The following CBX5 variants were observed in gnomAD, a reference collection of about 807,000 sequenced individuals.
CBX5 encodes the protein chromobox protein homolog 5.
Under a neutral mutation model 20.7 loss-of-function variants are expected in CBX5, and 7 were observed. That is an observed-to-expected ratio of 0.34 (90% CI 0.19 to 0.63). The LOEUF is 0.63. Ranked by LOEUF, CBX5 falls within the 30% of genes least tolerant of loss-of-function variation. CBX5 has a pLI of 0.75. For synonymous variants in CBX5, 78 were observed against 77.0 expected (o/e 1.01, Z -0.07); for missense variants, 110 against 224.1 (o/e 0.49, Z 3.25).
intron 1 of CBX5, among the ~76,000 whole-genome samples, chr12:54,270,057 CAATTT>C (rs534237289): frequency 7.0e-4 from 106 of 152,166 alleles, no homozygotes; most frequent in South Asian, 1.9e-3. Context: ...CCTGATTTAT[CAATTT>C]TATTGATCTT....
chr12:54,278,821 G>C (rs1341286783), intron 1 of CBX5: 1 of 152,126 alleles, frequency 6.6e-6, no homozygotes, highest in African/African-American at 2.4e-5. Flanking sequence ...TCCAAAGTCA[G>C]ATATCCTCAA....
chr12:54,279,548 G>A (rs1944108838), intron 1 of CBX5, among the ~76,000 whole-genome samples: 1 of 152,096 alleles, frequency 6.6e-6, no homozygotes, highest in Non-Finnish European at 1.5e-5. Context: ...CCGATTGGAC[G>A]ACTGGTCCCA....
intron 1 of CBX5, among the ~76,000 whole-genome samples, chr12:54,264,842 T>C (rs1943943270): frequency 6.7e-6 from 1 of 149,700 alleles, no homozygotes; most frequent in Admixed American, 6.7e-5. Flanking sequence ...AAACTCCATC[T>C]CAAAGAAAAA....
In CBX5 at chr12:54,241,599, C is replaced by G; in HGVS notation, c.*156G>C. The G allele has an allele frequency of 1.5e-6, 1 of 657,442 alleles. No individual in the cohort carries two copies. 40.7% of individuals were successfully genotyped at this position (657,442 alleles called of 1,614,324 possible). A position where few individuals can be genotyped will look rare whatever the true frequency, so the allele number is the denominator to read the frequency against. The stretch of plus-strand genomic sequence containing the variant: ...ATTAATCAGACCATCAGTTATGTTA[C>G]AAGAGAACCAATACCAACATTTCTC... On this transcript the variant is annotated 3_prime_UTR_variant, in exon 5 of 5. Coordinates refer to ENST00000209875, the MANE Select transcript of CBX5 (RefSeq NM_012117.3).
intron 2 of CBX5, among the ~76,000 whole-genome samples, chr12:54,256,589 C>T (rs953689951): frequency 6.6e-6 from 1 of 151,942 alleles, no homozygotes; most frequent in African/African-American, 2.4e-5. Flanking sequence ...GCCACATGTG[C>T]CTATTTGAAA....
rs145536078 is a variant in CBX5 at position 54,274,927 on chromosome 12, G to A, written c.-43+5081C>T. On this transcript the variant is annotated intron_variant, in intron 1 of 4. Transcript: ENST00000209875. ...TGCACTCTAGCCTGGGTGACAGAGC[G>A]CGACTCTGTCTCAAAAACAAACAAA... Among the ~76,000 whole-genome samples, 1,325 of 152,182 alleles carry A rather than the reference G, an allele frequency of 8.7e-3. 18 individuals are homozygous for A. Among genetic ancestry groups the A allele is most frequent in the African/African-American group, 0.03 (1,248 of 41,514 alleles).
intron 4 of CBX5, 47 bp downstream of exon 4, chr12:54,246,068 C>A: frequency 7.8e-7 from 1 of 1,281,678 alleles, no homozygotes. Context: ...AAATTCAAGT[C>A]ACTGGCAAAG....
intron 2 of CBX5, among the ~76,000 whole-genome samples, chr12:54,254,439 T>C (rs1256668894): frequency 6.6e-6 from 1 of 152,004 alleles, no homozygotes; most frequent in African/African-American, 2.4e-5. Context: ...ATCTGAGCTA[T>C]TTACTCTTGA....
At chr12:54,262,942 G>A (rs1943925064) in intron 1 of CBX5, 1 of 152,260 alleles carries the variant, frequency 6.6e-6, no homozygotes, top group Non-Finnish European at 1.5e-5. Context: ...GAAAGGGTGA[G>A]TAGCTTCTCA....
intron 1 of CBX5, among the ~76,000 whole-genome samples, chr12:54,270,546 T>C (rs1341634746): frequency 6.6e-6 from 1 of 152,228 alleles, no homozygotes; most frequent in East Asian, 1.9e-4. Flanking sequence ...GCGTTGAGTT[T>C]ACAGGAATCA....
intron 3 of CBX5, among the ~76,000 whole-genome samples, chr12:54,249,001 C>T (rs1415248819): frequency 6.6e-6 from 1 of 152,170 alleles, no homozygotes. Context: ...TCGGCAGCTT[C>T]AGAACCTGGC....
In CBX5 at chr12:54,245,063, G is replaced by C. The variant is rs941951392; in HGVS notation, c.425+1052C>G. Among the ~76,000 whole-genome samples, 3 of 151,732 alleles carry C rather than the reference G, an allele frequency of 2.0e-5. No homozygotes were observed. The East Asian group carries it at 5.8e-4, about 29-fold the overall frequency. On this transcript the variant is annotated intron_variant, in intron 4 of 4. Coordinates refer to ENST00000209875, the MANE Select transcript of CBX5 (RefSeq NM_012117.3). ...GTCTTGCTCTGTCGTTCAGGCAGGA[G>C]TGCAGAGGCTCGATCTCAGCTCATT...
Position 54,252,123 on chromosome 12 carries a change from G to T in CBX5, c.242C>A (p.Pro81His). The T allele has an allele frequency of 1.2e-6, 2 of 1,611,038 alleles. No homozygotes were observed. Among genetic ancestry groups the T allele is most frequent in the African/African-American group, 1.3e-5 (1 of 74,726 alleles). Residue 81 changes from proline (P) to histidine (H), a missense_variant, in exon 3 of 5, where the codon CCC (proline) becomes CAC (histidine). By Grantham distance (77) the Pro-to-His change is moderately conservative (BLOSUM62 -2). Coordinates refer to ENST00000209875, the MANE Select transcript of CBX5 (RefSeq NM_012117.3). Reference sequence around the variant, plus strand: ...CTTGTTACTTTCTGACTTCTCCCTGGGTTTATTATTTTCACCCTCCTTCAT... The same window carrying T: ...CTTGTTACTTTCTGACTTCTCCCTGTGTTTATTATTTTCACCCTCCTTCAT... ...KKMKEGENNK[P>H]REKSESNKRK... is the part of the protein sequence containing the mutation.
At chr12:54,251,017 G>C (rs1424502619) in intron 3 of CBX5, among the ~76,000 whole-genome samples, 1 of 151,290 alleles carries the variant, frequency 6.6e-6, no homozygotes, top group Non-Finnish European at 1.5e-5. Flanking sequence ...TGTAATCCCA[G>C]CTACTTGGGA....
intron 3 of CBX5, among the ~76,000 whole-genome samples, chr12:54,250,452 A>G (rs995861302): frequency 1.3e-5 from 2 of 151,946 alleles, no homozygotes; most frequent in African/African-American, 4.8e-5. Context: ...ATATTATATG[A>G]TTTTCACTGC....
chr12:54,247,675 GC>G (rs1199704983), intron 3 of CBX5, among the ~76,000 whole-genome samples: 1 of 151,960 alleles, frequency 6.6e-6, no homozygotes, highest in Non-Finnish European at 1.5e-5. Context: ...TTTTATACAA[GC>G]CAGGTAATTT....
rs1359542638 is a variant in CBX5 at position 54,238,482 on chromosome 12, G to A, written c.*3273C>T. On this transcript the variant is annotated 3_prime_UTR_variant, in exon 5 of 5. Transcript: ENST00000209875. Reference sequence around the variant, plus strand: ...CTGGATCCTATATAGCTTCTTCTCTGGGATCTACTGAGGAGTGAAATCTAA... The same window carrying A: ...CTGGATCCTATATAGCTTCTTCTCTAGGATCTACTGAGGAGTGAAATCTAA... 6.6e-6 allele frequency: 1 copy of A among 152,176 alleles called. No individual in the cohort carries two copies. The highest frequency in any genetic ancestry group is 1.5e-5 in the Non-Finnish European group (1 of 68,014). 9.4% of individuals were successfully genotyped at this position (152,176 alleles called of 1,614,324 possible). A position where few individuals can be genotyped will look rare whatever the true frequency, so the allele number is the denominator to read the frequency against.
At chr12:54,252,412 C>T (rs1322927800) in intron 2 of CBX5, 185 bp from the exon 3 acceptor site, 3 of 471,922 alleles carry the variant, frequency 6.4e-6, no homozygotes, top group Non-Finnish European at 7.2e-6. Flanking sequence ...AAAAAAAGCC[C>T]ACACAAAGAC....
intron 2 of CBX5, among the ~76,000 whole-genome samples, chr12:54,256,641 A>G (rs1384112609): frequency 6.6e-6 from 1 of 152,168 alleles, no homozygotes; most frequent in Non-Finnish European, 1.5e-5. Context: ...AGTATAAAAT[A>G]CATCCCAGAT....
Sources: gnomAD v4.1 joint callset for allele counts (sites outside exome capture counted in the v4.1 genomes callset) on GRCh38, gnomAD v4.1.1 for gene constraint, MANE v1.5 for transcripts, NCBI Gene and HGNC (gene_info 2026-07-23, HGNC 2026-07-21) for gene names.